CDH13: variants seen among roughly 807,000 people sequenced by gnomAD.
The protein encoded by CDH13 is cadherin-13.
Under a neutral mutation model 63.8 loss-of-function variants are expected in CDH13, and 24 were observed. That is an observed-to-expected ratio of 0.38 (90% CI 0.27 to 0.53). The LOEUF (loss-of-function observed/expected upper bound fraction) is 0.53. Ranked by LOEUF, CDH13 falls within the 20% of genes least tolerant of loss-of-function variation. CDH13 has a pLI of 0.85. For synonymous variants in CDH13, 503 were observed against 355.3 expected (o/e 1.42, Z -4.67); for missense variants, 1,049 against 903.1 (o/e 1.16, Z -2.07).
intron 1 of CDH13, among the ~76,000 whole-genome samples, chr16:82,846,391 A>G (rs985711603): frequency 5.3e-5 from 8 of 152,230 alleles, no homozygotes; most frequent in African/African-American, 1.9e-4. Context: ...AATATAAATA[A>G]TAACTAGCAC....
intron 2 of CDH13, among the ~76,000 whole-genome samples, chr16:83,012,348 C>G (rs552244675): frequency 2.8e-4 from 37 of 130,386 alleles, no homozygotes; most frequent in African/African-American, 1.1e-3. Context: ...GGCCCCTTTG[C>G]TCAAAGAAAT....
chr16:82,753,390 C>G (rs186394276), intron 1 of CDH13, among the ~76,000 whole-genome samples: 1 of 152,140 alleles, frequency 6.6e-6, no homozygotes, highest in Non-Finnish European at 1.5e-5. Flanking sequence ...CCCCTTAACC[C>G]CTAACTGGGG....
chr16:82,790,254 G>C (rs1323817597), intron 1 of CDH13, among the ~76,000 whole-genome samples: 1 of 152,144 alleles, frequency 6.6e-6, no homozygotes, highest in Non-Finnish European at 1.5e-5. Flanking sequence ...GATCAGCAGG[G>C]TGAAACCCCA....
intron 3 of CDH13, among the ~76,000 whole-genome samples, chr16:83,071,320 A>G (rs1046801161): frequency 2.0e-5 from 3 of 152,096 alleles, no homozygotes; most frequent in African/African-American, 7.2e-5. Context: ...GTGGGCTTTC[A>G]TGATCCCCCT....
intron 2 of CDH13, among the ~76,000 whole-genome samples, chr16:83,009,073 C>G (rs571859619): frequency 6.6e-6 from 1 of 152,174 alleles, no homozygotes; most frequent in Non-Finnish European, 1.5e-5. Flanking sequence ...CCACCCCCAC[C>G]GGGTCCTTTC....
At chr16:83,160,624 A>G (rs1486742782) in intron 4 of CDH13, among the ~76,000 whole-genome samples, 5 of 152,208 alleles carry the variant, frequency 3.3e-5, no homozygotes. Flanking sequence ...CACCACTAAT[A>G]ATCCTACAAA....
intron 2 of CDH13, among the ~76,000 whole-genome samples, chr16:83,004,441 A>T (rs916680671): frequency 1.3e-5 from 2 of 151,924 alleles, no homozygotes; most frequent in African/African-American, 4.8e-5. Context: ...CTCATAAACC[A>T]CTCCAGGGCA....
At chr16:83,147,970 G>A (rs1045891696) in intron 4 of CDH13, among the ~76,000 whole-genome samples, 17 of 152,174 alleles carry the variant, frequency 1.1e-4, no homozygotes, top group African/African-American at 1.7e-4. Context: ...GTCTCACTCT[G>A]TTGCCCAGGC....
At chr16:82,750,137 T>C (rs971653735) in intron 1 of CDH13, among the ~76,000 whole-genome samples, 46 of 152,230 alleles carry the variant, frequency 3.0e-4, no homozygotes, top group African/African-American at 1.0e-3. Flanking sequence ...CGGGGTGCTT[T>C]TGGAGGTTAA....
intron 1 of CDH13, among the ~76,000 whole-genome samples, chr16:82,658,152 T>C (rs1911515366): frequency 6.6e-6 from 1 of 152,220 alleles, no homozygotes; most frequent in Admixed American, 6.5e-5. Flanking sequence ...TCTGCATCTA[T>C]TGATATGTGC....
chr16:83,227,469 A>C (rs1383176030), intron 5 of CDH13, among the ~76,000 whole-genome samples: 1 of 152,080 alleles, frequency 6.6e-6, no homozygotes, highest in Non-Finnish European at 1.5e-5. Context: ...AGCAGGTTGG[A>C]AGCTGGTGGT....
intron 6 of CDH13, among the ~76,000 whole-genome samples, chr16:83,438,163 A>T (rs1011908504): frequency 1.3e-5 from 2 of 152,224 alleles, no homozygotes; most frequent in Admixed American, 6.5e-5. Flanking sequence ...TCCTTTATCA[A>T]ACTGCCTACA....
intron 6 of CDH13, among the ~76,000 whole-genome samples, chr16:83,378,797 G>C (rs2091503202): frequency 6.6e-6 from 1 of 152,128 alleles, no homozygotes; most frequent in Non-Finnish European, 1.5e-5. Flanking sequence ...CAGTAGAACT[G>C]TCGTGACCAT....
intron 5 of CDH13, among the ~76,000 whole-genome samples, chr16:83,312,702 A>T (rs1048241048): frequency 1.3e-5 from 2 of 152,206 alleles, no homozygotes; most frequent in Non-Finnish European, 2.9e-5. Context: ...CTAGCAAGTC[A>T]CAATCTATAG....
chr16:82,703,649 T>C (rs748570532), intron 1 of CDH13, among the ~76,000 whole-genome samples: 9 of 152,114 alleles, frequency 5.9e-5, no homozygotes, highest in Admixed American at 5.2e-4. Flanking sequence ...ATTCCAATAA[T>C]ACGCTACTTA....
intron 7 of CDH13, among the ~76,000 whole-genome samples, chr16:83,530,621 G>GCAGC (rs1292074785): frequency 1.3e-5 from 2 of 152,184 alleles, no homozygotes; most frequent in African/African-American, 4.8e-5. Context: ...AACCATCACA[G>GCAGC]CAGCTGTTTT....
intron 1 of CDH13, among the ~76,000 whole-genome samples, chr16:82,668,230 C>A (rs1016851276): frequency 2.0e-4 from 30 of 152,184 alleles, no homozygotes; most frequent in African/African-American, 5.1e-4. Context: ...TTGGTTGTTC[C>A]CCGTGTCCTA....
chr16:83,426,907 CTT>C (rs71148833), intron 6 of CDH13, among the ~76,000 whole-genome samples: 1,925 of 62,482 alleles, frequency 0.031, 1 homozygote, highest in Middle Eastern at 0.058. Flanking sequence ...ATGTTTCTTT[CTT>C]TTTTTTTTTT....
intron 3 of CDH13, among the ~76,000 whole-genome samples, chr16:83,052,272 T>G (rs2030421824): frequency 6.6e-6 from 1 of 152,214 alleles, no homozygotes; most frequent in African/African-American, 2.4e-5. Flanking sequence ...TGCATTGTTA[T>G]AAATCCAGAC....
Sources: allele counts gnomAD v4.1 joint callset (sites outside exome capture counted in the v4.1 genomes callset), GRCh38; gene constraint gnomAD v4.1.1; transcripts MANE v1.5; gene names NCBI Gene and HGNC (gene_info 2026-07-23, HGNC 2026-07-21).